Variants in IL34 observed in about 807,000 individuals in gnomAD.
The protein encoded by IL34 is interleukin-34.
A neutral mutation model predicts 25.3 loss-of-function variants in IL34; 17 were observed. The ratio of observed to expected loss-of-function variants is 0.67; its 90% CI spans 0.46 to 1.01. IL34 has a LOEUF of 1.01. IL34 is among the 50% of genes least tolerant of loss of function. The pLI is 0.00. For synonymous variants in IL34, 174 were observed against 140.9 expected (o/e 1.23, Z -1.66); for missense variants, 368 against 312.9 (o/e 1.18, Z -1.33).
At chr16:70,621,651 T>A (rs2051284494) in intron 1 of IL34, among the ~76,000 whole-genome samples, 1 of 152,070 alleles carries the variant, frequency 6.6e-6, no homozygotes, top group East Asian at 1.9e-4. Flanking sequence ...ACAGGCTTTG[T>A]GTGAGCAACA....
At chr16:70,657,873 G>A (rs553132076) in intron 4 of IL34, among the ~76,000 whole-genome samples, 1 of 152,308 alleles carries the variant, frequency 6.6e-6, no homozygotes, top group Admixed American at 6.5e-5. Context: ...ACAACAGAGA[G>A]TGTGAGCCCT....
At chr16:70,586,663 G>C (rs2050698391) in intron 1 of IL34, among the ~76,000 whole-genome samples, 1 of 152,196 alleles carries the variant, frequency 6.6e-6, no homozygotes, top group South Asian at 2.1e-4. Context: ...GGGTAGATGT[G>C]GGGTAGAGAG....
intron 1 of IL34, among the ~76,000 whole-genome samples, chr16:70,636,915 T>C (rs999144077): frequency 1.3e-5 from 2 of 152,208 alleles, no homozygotes; most frequent in Non-Finnish European, 2.9e-5. Context: ...GGTTTCGTTC[T>C]GTCGCCCAGG....
chr16:70,633,881 C>G (rs938415265), intron 1 of IL34, among the ~76,000 whole-genome samples: 1 of 151,876 alleles, frequency 6.6e-6, no homozygotes, highest in East Asian at 1.9e-4. Context: ...GACAGAGTCT[C>G]GCATTGTCGC....
At chr16:70,602,958 C>T (rs2050940872) in intron 1 of IL34, among the ~76,000 whole-genome samples, 1 of 152,104 alleles carries the variant, frequency 6.6e-6, no homozygotes, top group Non-Finnish European at 1.5e-5. Context: ...GGCCCCCAAA[C>T]ATCCCTGAAA....
At chr16:70,654,762 C>G in intron 2 of IL34, 91 bp downstream of exon 2, 1 of 1,468,064 alleles carries the variant, frequency 6.8e-7, no homozygotes, top group African/African-American at 1.4e-5. Flanking sequence ...CTTCTTAGGA[C>G]CTGTGTCAGC....
At chr16:70,644,441 T>A (rs188858885), upstream of IL34, among the ~76,000 whole-genome samples, 1 of 152,128 alleles carries the variant, frequency 6.6e-6, no homozygotes, top group African/African-American at 2.4e-5. Flanking sequence ...TCAGTTTGTT[T>A]AGACAACTTC....
In IL34 at chr16:70,599,265, G is replaced by GTTTCTTTCTTTC. The variant is rs748787068; in HGVS notation, c.-401+19235_-401+19246dup. Among the ~76,000 whole-genome samples the GTTTCTTTCTTTC allele has an allele frequency of 7.2e-5, 10 of 139,172 alleles. No individual in the cohort carries two copies. The East Asian group carries it at 1.0e-3, about 15-fold the overall frequency. 91.3% of individuals were successfully genotyped at this position (139,172 alleles called of 152,430 possible). A position where few individuals can be genotyped will look rare whatever the true frequency, so the allele number is the denominator to read the frequency against. On this transcript the variant is annotated intron_variant, in intron 1 of 6. Transcript: ENST00000429149. ...TCTTATACCTGTTATGTCAAGAACT[G>GTTTCTTTCTTTC]TTTCTTTCTTTCTTTCTTTCTTTCT...
chr16:70,632,295 G>T (rs1000295280), intron 1 of IL34, among the ~76,000 whole-genome samples: 3 of 152,138 alleles, frequency 2.0e-5, no homozygotes, highest in African/African-American at 4.8e-5. Context: ...GACCTTCGCT[G>T]ACCCTAATCC....
upstream of IL34, among the ~76,000 whole-genome samples, chr16:70,642,272 G>C (rs1017824239): frequency 1.3e-5 from 2 of 150,228 alleles, no homozygotes; most frequent in African/African-American, 4.9e-5. Context: ...CAGAGACAGA[G>C]AGAGTGAGCG....
intron 1 of IL34, among the ~76,000 whole-genome samples, chr16:70,634,005 C>T (rs1367363707): frequency 1.3e-5 from 2 of 152,092 alleles, no homozygotes; most frequent in African/African-American, 4.8e-5. Flanking sequence ...CGTGCACCAC[C>T]ACGCCCAGCT....
intron 1 of IL34, among the ~76,000 whole-genome samples, chr16:70,607,255 C>G (rs2051020351): frequency 6.6e-6 from 1 of 152,138 alleles, no homozygotes; most frequent in Admixed American, 6.6e-5. Flanking sequence ...GTGCCCACCA[C>G]CACACCCAGC....
chr16:70,623,050 C>G (rs144566917), intron 1 of IL34, among the ~76,000 whole-genome samples: 5 of 151,960 alleles, frequency 3.3e-5, no homozygotes, highest in African/African-American at 7.3e-5. Flanking sequence ...TAATCGGACA[C>G]GAGCAGCAGG....
rs376083751 is a variant in IL34, at chr16:70,600,398, C to G, written c.-401+20349C>G. On this transcript the variant is annotated intron_variant, in intron 1 of 6. Coordinates refer to the IL34 transcript ENST00000429149. ...AACTACCCTATGATTTCCATAAAGG[C>G]AGAGAACTGAATCCCATGTCTAGGA... is the stretch of plus-strand genomic sequence containing the variant. Among the ~76,000 whole-genome samples, 5 of 152,282 alleles carry G rather than the reference C, an allele frequency of 3.3e-5. No individual in the cohort carries two copies. In the East Asian group the frequency reaches 9.6e-4, roughly 29 times the overall value.
chr16:70,612,484 G>T (rs143893619), intron 1 of IL34, among the ~76,000 whole-genome samples: 1 of 152,204 alleles, frequency 6.6e-6, no homozygotes, highest in Non-Finnish European at 1.5e-5. Context: ...CCACTCTGCC[G>T]TAATTACTCC....
At chr16:70,599,676 CTT>C (rs199683652) in intron 1 of IL34, among the ~76,000 whole-genome samples, 52 of 136,954 alleles carry the variant, frequency 3.8e-4, no homozygotes, top group Admixed American at 5.2e-4. Flanking sequence ...TGCACCCGGT[CTT>C]TTTTTTTTTT....
At chr16:70,621,564 T>C (rs1422566188) in intron 1 of IL34, among the ~76,000 whole-genome samples, 1 of 152,034 alleles carries the variant, frequency 6.6e-6, no homozygotes, top group African/African-American at 2.4e-5. Flanking sequence ...GGACAGGGGA[T>C]TGATCTCCCA....
intron 1 of IL34, among the ~76,000 whole-genome samples, chr16:70,594,977 CAG>C (rs1567437682): frequency 6.9e-6 from 1 of 145,742 alleles, no homozygotes; most frequent in African/African-American, 2.6e-5. Flanking sequence ...TTTTCTGAGA[CAG>C]AGTCTCCCTC....
rs1415171327 is a variant in IL34 at position 70,656,994 on chromosome 16, A to G, written c.275A>G (p.Tyr92Cys). The change falls in exon 4 of 6, where the codon TAT (tyrosine) becomes TGT (cysteine). Residue 92 changes from tyrosine (Y) to cysteine (C), a missense_variant. Tyr to Cys is a radical substitution (Grantham distance 194). Coordinates refer to ENST00000288098, the MANE Select transcript of IL34 (RefSeq NM_001393494.1). Reference protein sequence around the residue: ...RAQVSERELRYLWVLVSLSAT... With the variant: ...RAQVSERELRCLWVLVSLSAT... ...CAGGTGAGCGAGCGGGAGCTGCGGTATCTGTGGGTCTTGGTGAGCCTCAGT... is the reference window on the plus strand; with the variant it reads ...CAGGTGAGCGAGCGGGAGCTGCGGTGTCTGTGGGTCTTGGTGAGCCTCAGT... The G allele has an allele frequency of 1.9e-6, 3 of 1,611,740 alleles. No homozygotes were observed. Among genetic ancestry groups the G allele is most frequent in the South Asian group, 1.1e-5 (1 of 90,962 alleles).
Sources: gnomAD v4.1 joint callset for allele counts (sites outside exome capture counted in the v4.1 genomes callset) on GRCh38, gnomAD v4.1.1 for gene constraint, MANE v1.5 for transcripts, NCBI Gene and HGNC (gene_info 2026-07-23, HGNC 2026-07-21) for gene names.